Variants in FNDC3A observed in about 807,000 individuals in gnomAD.
FNDC3A encodes the protein fibronectin type III domain containing 3A, also known as fibronectin type-III domain-containing protein 3A.
FNDC3A carries 32 observed loss-of-function variants against 148.9 expected under a neutral mutation model. The observed-to-expected ratio is 0.21, with a 90% confidence interval of 0.16 to 0.29. FNDC3A has a LOEUF of 0.29. Ranked by LOEUF, FNDC3A falls within the 10% of genes least tolerant of loss-of-function variation. The pLI is 1.00. For synonymous variants in FNDC3A, 472 were observed against 473.6 expected (o/e 1.00, Z 0.04); for missense variants, 1,191 against 1,452.8 (o/e 0.82, Z 2.93).
At chr13:49,175,826 T>A (rs1161632618) in intron 13 of FNDC3A, among the ~76,000 whole-genome samples, 2 of 152,200 alleles carry the variant, frequency 1.3e-5, no homozygotes, top group Non-Finnish European at 2.9e-5. Flanking sequence ...GTATATTGGC[T>A]GTGGGTTTGT....
intron 2 of FNDC3A, among the ~76,000 whole-genome samples, chr13:49,011,435 T>C (rs1368862954): frequency 6.6e-6 from 1 of 152,164 alleles, no homozygotes; most frequent in African/African-American, 2.4e-5. Flanking sequence ...GGTTTTGCCA[T>C]GTTGGCCAAG....
At chr13:49,089,736 G>C (rs1879059637) in intron 3 of FNDC3A, among the ~76,000 whole-genome samples, 1 of 152,170 alleles carries the variant, frequency 6.6e-6, no homozygotes, top group Non-Finnish European at 1.5e-5. Context: ...ATACACCCTA[G>C]TTCACGCTTC....
intron 10 of FNDC3A, among the ~76,000 whole-genome samples, chr13:49,170,219 G>A (rs889937297): frequency 6.6e-6 from 1 of 152,016 alleles, no homozygotes; most frequent in Non-Finnish European, 1.5e-5. Flanking sequence ...TGTTATTGGA[G>A]GATAGTATTA....
Position 49,131,299 on chromosome 13 carries a change from C to G in FNDC3A, c.415C>G (p.Pro139Ala), listed in dbSNP as rs779581907. The G allele has an allele frequency of 6.2e-7, 1 of 1,614,060 alleles. No homozygotes were observed. The highest frequency in any genetic ancestry group is 2.2e-5 in the East Asian group (1 of 44,872). ...MPPPPRHMYSPVTGAGDMTTQ... is the reference protein window; with the variant it reads ...MPPPPRHMYSAVTGAGDMTTQ... Reference sequence around the variant, plus strand: ...GCCTCCACCACGTCATATGTACTCACCCGTGACTGGAGCTGGAGACATGAC... The same window carrying G: ...GCCTCCACCACGTCATATGTACTCAGCCGTGACTGGAGCTGGAGACATGAC... The change falls in exon 5 of 26, where the codon CCC becomes GCC. Residue 139 changes from proline (P) to alanine (A), a missense_variant. By Grantham distance (27) the Pro-to-Ala change is conservative. Around this residue, in one of 3 missense-constraint regions of FNDC3A, gnomAD observed 426 missense variants for 473.2 expected, o/e 0.90. Coordinates refer to ENST00000492622, the MANE Select transcript of FNDC3A (RefSeq NM_001079673.2).
At chr13:49,158,376 G>A (rs183868931) in intron 8 of FNDC3A, among the ~76,000 whole-genome samples, 216 of 152,320 alleles carry the variant, frequency 1.4e-3, no homozygotes, top group African/African-American at 5.0e-3. Context: ...GCCCTGCTTC[G>A]GCTCGCCCAC....
intron 1 of FNDC3A, among the ~76,000 whole-genome samples, chr13:48,980,124 T>G (rs1951671038): frequency 6.6e-6 from 1 of 152,150 alleles, no homozygotes; most frequent in Non-Finnish European, 1.5e-5. Context: ...GTGGCCAGAC[T>G]TCTAACAAGA....
At position 49,198,529 on chromosome 13, in the gene FNDC3A, C is replaced by G. The variant is rs765461834; in HGVS notation, c.2942C>G (p.Thr981Ser). The G allele has an allele frequency of 1.9e-6, 3 of 1,614,040 alleles. No homozygotes were observed. In the East Asian group the frequency reaches 6.7e-5, roughly 36 times the overall value. The change falls in exon 23 of 26, where the codon ACC becomes AGC. Residue 981 changes from threonine to serine, a missense_variant. Around this residue, in one of 3 missense-constraint regions of FNDC3A, gnomAD observed 751 missense variants for 944.0 expected, o/e 0.80. Transcript: ENST00000492622. ...WGEGTPKTLS[T>S]DSIQYHLQME... ...GAAGGAACTCCAAAGACATTGTCAA[C>G]CGATTCTATTCAGTACCACCTTCAG...
At chr13:49,019,208 C>A (rs967433585) in intron 2 of FNDC3A, among the ~76,000 whole-genome samples, 2 of 152,250 alleles carry the variant, frequency 1.3e-5, no homozygotes, top group African/African-American at 4.8e-5. Flanking sequence ...AGCCTCGCTG[C>A]TGCCTTGCAG....
At chr13:49,118,879 C>T (rs1049265445) in intron 4 of FNDC3A, among the ~76,000 whole-genome samples, 12 of 152,206 alleles carry the variant, frequency 7.9e-5, no homozygotes, top group East Asian at 3.9e-4. Flanking sequence ...ATAAAACGCC[C>T]GTCTTCCTGA....
chr13:49,055,504 C>T (rs183169290), intron 2 of FNDC3A, among the ~76,000 whole-genome samples: 253 of 152,168 alleles, frequency 1.7e-3, no homozygotes, highest in African/African-American at 5.7e-3. Flanking sequence ...TCAACACAGA[C>T]CTTAAATTTG....
chr13:49,134,320 GT>G (rs1356000005), intron 5 of FNDC3A, among the ~76,000 whole-genome samples: 1 of 151,584 alleles, frequency 6.6e-6, no homozygotes, highest in African/African-American at 2.4e-5. Flanking sequence ...TTTGTGTCTA[GT>G]TTTTTTTCAC....
intron 2 of FNDC3A, among the ~76,000 whole-genome samples, chr13:49,042,578 C>A (rs1019777632): frequency 4.6e-5 from 7 of 151,968 alleles, no homozygotes; most frequent in Non-Finnish European, 7.4e-5. Flanking sequence ...AAATTTAAGA[C>A]CAGCCTAGGC....
intron 2 of FNDC3A, among the ~76,000 whole-genome samples, chr13:49,018,857 G>T (rs1025673523): frequency 1.1e-4 from 17 of 152,252 alleles, no homozygotes; most frequent in South Asian, 6.2e-4. Flanking sequence ...TGGAGTACCC[G>T]GCCGTGTGAG....
intron 2 of FNDC3A, among the ~76,000 whole-genome samples, chr13:49,017,595 A>G (rs1171200118): frequency 6.6e-6 from 1 of 151,768 alleles, no homozygotes; most frequent in Non-Finnish European, 1.5e-5. Context: ...CATTTAGTCC[A>G]TTTACATTTA....
rs1473712091 is a variant in FNDC3A at position 49,207,710 on chromosome 13, C to T, written c.*315C>T. The T allele has an allele frequency of 2.9e-5, 7 of 241,314 alleles. No individual in the cohort carries two copies. Among genetic ancestry groups the T allele is most frequent in the African/African-American group, 6.9e-5 (3 of 43,376 alleles). The allele number at this position is 241,314 out of a possible 1,614,324, so 14.9% of individuals were successfully genotyped here. On this transcript the variant is annotated 3_prime_UTR_variant, in exon 26 of 26. Coordinates refer to ENST00000492622, the MANE Select transcript of FNDC3A (RefSeq NM_001079673.2). ...CAACAATTTAGAATGGATATTTTGA[C>T]GAATCGGCATGAGTGTAACAGTGAT...
chr13:49,207,547 G>A lies in FNDC3A; in HGVS notation c.*152G>A, dbSNP rs933918579. 4 of 505,128 alleles carry A rather than the reference G, an allele frequency of 7.9e-6. No individual in the cohort carries two copies. The highest frequency in any genetic ancestry group is 5.9e-5 in the African/African-American group (3 of 50,890). The allele number at this position is 505,128 out of a possible 1,614,324, so 31.3% of individuals were successfully genotyped here. On this transcript the variant is annotated 3_prime_UTR_variant, in exon 26 of 26. Transcript: ENST00000492622. Reference sequence around the variant, plus strand: ...GCCATTTTCAGTGCTTATATTGTTAGGTAGAGGCTGGCACTTTATTAGAAT... The same window carrying A: ...GCCATTTTCAGTGCTTATATTGTTAAGTAGAGGCTGGCACTTTATTAGAAT...
In FNDC3A at chr13:49,198,590, T is replaced by A. The variant is rs369560080; in HGVS notation, c.2987+16T>A. 6.4e-6 allele frequency: 10 copies of A among 1,571,706 alleles called. No individual in the cohort carries two copies. In the African/African-American group the frequency reaches 1.4e-4, roughly 21 times the overall value. ...AGAATGGACGGTAGGTTTTTTTAAT[T>A]GCTTCTTTATATAGTTTCTTAGGTC... On this transcript the variant is annotated intron_variant, in intron 23 of 25. Transcript: ENST00000492622.
Position 49,209,578 on chromosome 13 carries a change from G to A in FNDC3A, c.*2183G>A, listed in dbSNP as rs1050009049. On this transcript the variant is annotated 3_prime_UTR_variant, in exon 26 of 26. Coordinates refer to ENST00000492622, the MANE Select transcript of FNDC3A (RefSeq NM_001079673.2). ...GTAAAATCCATGGAAAATAAAAGTT[G>A]TATCATTCTTTTTGAGATACGTTTA... The A allele has an allele frequency of 2.6e-5, 4 of 152,488 alleles. No homozygotes were observed. The highest frequency in any genetic ancestry group is 9.7e-5 in the African/African-American group (4 of 41,404). 9.4% of individuals were successfully genotyped at this position (152,488 alleles called of 1,614,324 possible). A position where few individuals can be genotyped will look rare whatever the true frequency, so the allele number is the denominator to read the frequency against.
At chr13:49,003,979 G>C (rs1446734977) in intron 1 of FNDC3A, among the ~76,000 whole-genome samples, 1 of 152,138 alleles carries the variant, frequency 6.6e-6, no homozygotes, top group African/African-American at 2.4e-5. Flanking sequence ...TAAAATTCAG[G>C]AATTTGCAGG....
Sources: allele counts gnomAD v4.1 joint callset (sites outside exome capture counted in the v4.1 genomes callset), GRCh38; gene constraint gnomAD v4.1.1; regional missense constraint gnomAD v4.1.1; transcripts MANE v1.5; gene names NCBI Gene and HGNC (gene_info 2026-07-23, HGNC 2026-07-21).